SRBD1: variants seen among roughly 807,000 people sequenced by gnomAD.
SRBD1 encodes the protein S1 RNA-binding domain-containing protein 1.
SRBD1 carries 88 observed loss-of-function variants against 115.3 expected under a neutral mutation model. The ratio of observed to expected loss-of-function variants is 0.76; its 90% CI spans 0.64 to 0.91. The LOEUF is 0.91. Among genes scored for constraint, SRBD1 ranks in the 40% least tolerant of loss-of-function variants. The pLI is 0.00. For missense variants in SRBD1, 1,385 were observed against 1,177.4 expected (o/e 1.18, Z -2.58); for synonymous variants, 509 against 407.7 (o/e 1.25, Z -2.99).
chr2:45,537,465 A>G (rs1572747946), intron 14 of SRBD1, among the ~76,000 whole-genome samples: 1 of 152,268 alleles, frequency 6.6e-6, no homozygotes, highest in East Asian at 1.9e-4. Flanking sequence ...CCAGCACACA[A>G]TACTGTGCCT....
At chr2:45,503,562 T>C (rs1670703264) in intron 14 of SRBD1, among the ~76,000 whole-genome samples, 1 of 152,202 alleles carries the variant, frequency 6.6e-6, no homozygotes, top group African/African-American at 2.4e-5. Flanking sequence ...TTTAGAGCCA[T>C]TTAAAATAAT....
intron 4 of SRBD1, among the ~76,000 whole-genome samples, chr2:45,596,769 C>T (rs916676972): frequency 6.6e-6 from 1 of 152,154 alleles, no homozygotes; most frequent in African/African-American, 2.4e-5. Context: ...TGTAAACCAA[C>T]ACCTTAAGGT....
At chr2:45,462,002 T>TA (rs1669331330) in intron 16 of SRBD1, among the ~76,000 whole-genome samples, 1 of 151,620 alleles carries the variant, frequency 6.6e-6, no homozygotes, top group South Asian at 2.1e-4. Context: ...TTTCCCACAA[T>TA]AAAATGAAGA....
chr2:45,517,280 G>A (rs1262133503), intron 14 of SRBD1, among the ~76,000 whole-genome samples: 1 of 152,040 alleles, frequency 6.6e-6, no homozygotes, highest in Non-Finnish European at 1.5e-5. Context: ...ATTTTCTGTT[G>A]TTTTTATTGC....
chr2:45,519,281 A>G (rs1193271425), intron 14 of SRBD1, among the ~76,000 whole-genome samples: 1 of 152,170 alleles, frequency 6.6e-6, no homozygotes, highest in Non-Finnish European at 1.5e-5. Context: ...TCCTGTACTC[A>G]GGGGTCCTAA....
chr2:45,422,130 C>T (rs547260336), intron 16 of SRBD1, among the ~76,000 whole-genome samples: 27 of 151,770 alleles, frequency 1.8e-4, no homozygotes, highest in African/African-American at 4.4e-4. Flanking sequence ...ACAAACAAAC[C>T]GGAAAAAGGA....
intron 20 of SRBD1, among the ~76,000 whole-genome samples, chr2:45,390,537 A>G (rs1476861099): frequency 6.6e-6 from 1 of 152,192 alleles, no homozygotes; most frequent in Non-Finnish European, 1.5e-5. Context: ...CCATTTATCC[A>G]TGCTCCTCCT....
chr2:45,537,264 G>A (rs1043604574), intron 14 of SRBD1, among the ~76,000 whole-genome samples: 9 of 152,104 alleles, frequency 5.9e-5, no homozygotes, highest in African/African-American at 2.2e-4. Flanking sequence ...AAGAATATCG[G>A]TTATACCTAT....
intron 9 of SRBD1, among the ~76,000 whole-genome samples, chr2:45,570,693 A>G (rs1348961918): frequency 2.0e-5 from 3 of 152,234 alleles, no homozygotes; most frequent in Non-Finnish European, 4.4e-5. Context: ...AACGTACCCC[A>G]GTCTCCAGCT....
At chr2:45,567,843 G>A (rs934244487) in intron 9 of SRBD1, 2 of 152,102 alleles carry the variant, frequency 1.3e-5, no homozygotes, top group Admixed American at 1.3e-4. Context: ...ATTTAATTCC[G>A]ATTTACATAA....
intron 16 of SRBD1, among the ~76,000 whole-genome samples, chr2:45,473,174 C>G (rs1669702226): frequency 6.6e-6 from 1 of 151,818 alleles, no homozygotes; most frequent in South Asian, 2.1e-4. Context: ...TTACATTTTA[C>G]TCTCATGATT....
At chr2:45,482,254 G>C (rs185031793) in intron 15 of SRBD1, among the ~76,000 whole-genome samples, 1 of 152,126 alleles carries the variant, frequency 6.6e-6, no homozygotes, top group East Asian at 1.9e-4. Flanking sequence ...AACTCTAGTT[G>C]ATGCAACTTG....
chr2:45,475,493 G>A (rs551307728), intron 16 of SRBD1, among the ~76,000 whole-genome samples: 3 of 152,026 alleles, frequency 2.0e-5, no homozygotes, highest in African/African-American at 7.3e-5. Flanking sequence ...CACATTAAAC[G>A]TTATCTCTGA....
intron 1 of SRBD1, 85 bp downstream of exon 1, chr2:45,611,134 T>C (rs1319480478): frequency 1.3e-5 from 2 of 152,204 alleles, no homozygotes; most frequent in Non-Finnish European, 2.9e-5. Context: ...TCAGAACTTT[T>C]TTAATGGCCC....
chr2:45,485,510 A>ATCT (rs1670091241), intron 15 of SRBD1, among the ~76,000 whole-genome samples: 1 of 152,196 alleles, frequency 6.6e-6, no homozygotes, highest in South Asian at 2.1e-4. Context: ...CTTTAAATCC[A>ATCT]TAATAGACAG....
intron 14 of SRBD1, among the ~76,000 whole-genome samples, chr2:45,491,183 A>G (rs7584995): frequency 0.84 from 127,064 of 152,078 alleles, 53,685 homozygotes; most frequent in African/African-American, 0.92. Flanking sequence ...AAGTACACTA[A>G]ATTTACGAAA....
intron 16 of SRBD1, among the ~76,000 whole-genome samples, chr2:45,421,930 C>T (rs1668019731): frequency 6.6e-6 from 1 of 152,054 alleles, no homozygotes; most frequent in South Asian, 2.1e-4. Context: ...TAAAGTAAAA[C>T]CTTAGATCTT....
At chr2:45,412,507 T>A (rs1667633263) in intron 19 of SRBD1, among the ~76,000 whole-genome samples, 1 of 152,190 alleles carries the variant, frequency 6.6e-6, no homozygotes. Flanking sequence ...TACACTGTCA[T>A]ACAATTCAGT....
At chr2:45,476,749 T>G (rs1669814937) in intron 16 of SRBD1, among the ~76,000 whole-genome samples, 1 of 152,198 alleles carries the variant, frequency 6.6e-6, no homozygotes, top group Non-Finnish European at 1.5e-5. Context: ...TCATCTAGTG[T>G]TTTCATAGTC....
Sources: allele counts gnomAD v4.1 joint callset (sites outside exome capture counted in the v4.1 genomes callset), GRCh38; gene constraint gnomAD v4.1.1; transcripts MANE v1.5; gene names NCBI Gene and HGNC (gene_info 2026-07-23, HGNC 2026-07-21).